QTGAL: variants seen among roughly 807,000 people sequenced by gnomAD.
The protein encoded by QTGAL is BGnT-like protein 1.
chr17:83,049,300 G>A, the QTGAL span: 1 of 153,098 alleles, frequency 6.5e-6, no homozygotes, highest in African/African-American at 2.4e-5. Flanking sequence ...GCATCAAATT[G>A]TTCCCAACTC....
At chr17:83,011,094 A>G in the QTGAL span, among the ~76,000 whole-genome samples, 1 of 152,200 alleles carries the variant, frequency 6.6e-6, no homozygotes, top group South Asian at 2.1e-4. Flanking sequence ...GAGGTGACCA[A>G]GAATGCAGGC....
At chr17:83,013,016 C>T in the QTGAL span, among the ~76,000 whole-genome samples, 184 of 152,272 alleles carry the variant, frequency 1.2e-3, no homozygotes, top group Middle Eastern at 6.8e-3. Flanking sequence ...CCTGTGGCCC[C>T]GATTGCCATG....
the QTGAL span, among the ~76,000 whole-genome samples, chr17:82,997,095 C>T: frequency 1.3e-5 from 2 of 152,146 alleles, no homozygotes; most frequent in African/African-American, 2.4e-5. Flanking sequence ...AAACTATCAA[C>T]AAAGTGAAGA....
the QTGAL span, among the ~76,000 whole-genome samples, chr17:82,992,296 C>G: frequency 6.6e-6 from 1 of 152,102 alleles, no homozygotes; most frequent in African/African-American, 2.4e-5. Flanking sequence ...AAGGACCCTA[C>G]AAGCAGCAAG....
At chr17:82,963,387 G>T in the QTGAL span, among the ~76,000 whole-genome samples, 1 of 152,180 alleles carries the variant, frequency 6.6e-6, no homozygotes, top group African/African-American at 2.4e-5. Flanking sequence ...GACAGAAGGG[G>T]GAGAGCTCGA....
At chr17:82,955,125 G>A in the QTGAL span, among the ~76,000 whole-genome samples, 1 of 152,156 alleles carries the variant, frequency 6.6e-6, no homozygotes, top group African/African-American at 2.4e-5. Context: ...TTGACAAATG[G>A]GATCTAATTA....
At chr17:82,959,257 C>T in the QTGAL span, among the ~76,000 whole-genome samples, 14 of 151,852 alleles carry the variant, frequency 9.2e-5, no homozygotes, top group African/African-American at 2.4e-4. Context: ...CATGTGTACA[C>T]GTGTGTGCAG....
the QTGAL span, chr17:82,960,554 C>A: frequency 6.5e-6 from 1 of 154,626 alleles, no homozygotes; most frequent in African/African-American, 2.4e-5. Context: ...TCCAACGCAG[C>A]CACGCGGCAC....
At chr17:83,000,338 A>G in the QTGAL span, among the ~76,000 whole-genome samples, 1 of 152,176 alleles carries the variant, frequency 6.6e-6, no homozygotes, top group South Asian at 2.1e-4. Flanking sequence ...AGCCTCACCC[A>G]GCGTTTTAAG....
At chr17:82,984,741 T>C in the QTGAL span, among the ~76,000 whole-genome samples, 1 of 152,142 alleles carries the variant, frequency 6.6e-6, no homozygotes, top group Non-Finnish European at 1.5e-5. Flanking sequence ...TGTTCCTTTA[T>C]GGGGGCCTGA....
the QTGAL span, among the ~76,000 whole-genome samples, chr17:82,970,573 CGGCGTGGCCGCG>C: frequency 8.2e-5 from 11 of 134,890 alleles, no homozygotes; most frequent in Admixed American, 2.4e-4. Context: ...CCTCCGCACC[CGGCGTGGCCGCG>C]ACCTCCGCAC....
At chr17:83,035,928 C>A in the QTGAL span, among the ~76,000 whole-genome samples, 1 of 104,656 alleles carries the variant, frequency 9.6e-6, no homozygotes, top group Non-Finnish European at 2.2e-5. Flanking sequence ...GCGGTTTGCA[C>A]GTGTGTGATG....
chr17:83,006,997 C>T, the QTGAL span: 21 of 392,428 alleles, frequency 5.4e-5, no homozygotes, highest in East Asian at 1.6e-4. The surrounding 1 kb of genome is among the most constrained non-coding windows in gnomAD (Gnocchi z 5.8). Context: ...CTGGGTGTCT[C>T]GGTTTTCATT....
the QTGAL span, chr17:83,035,180 T>C: frequency 8.0e-7 from 1 of 1,246,574 alleles, no homozygotes; most frequent in Admixed American, 2.3e-5. Flanking sequence ...GTATATGATA[T>C]TCTTTTTTTT....
At chr17:82,972,782 GCT>G in the QTGAL span, among the ~76,000 whole-genome samples, 1 of 145,136 alleles carries the variant, frequency 6.9e-6, no homozygotes, top group African/African-American at 2.7e-5. Flanking sequence ...CACCACAGGG[GCT>G]AGAAGGACCT....
chr17:83,033,115 G>T, the QTGAL span, among the ~76,000 whole-genome samples: 18,750 of 152,246 alleles, frequency 0.12, 1,160 homozygotes, highest in Non-Finnish European at 0.13. Context: ...ACAGATAAAT[G>T]TTCCTGAAGT....
chr17:83,013,115 G>A, the QTGAL span, among the ~76,000 whole-genome samples: 3 of 152,124 alleles, frequency 2.0e-5, no homozygotes, highest in African/African-American at 7.2e-5. Flanking sequence ...GCAAACACGT[G>A]ACCCTTTTAA....
chr17:83,035,669 G>T, the QTGAL span, among the ~76,000 whole-genome samples: 1 of 152,132 alleles, frequency 6.6e-6, no homozygotes, highest in African/African-American at 2.4e-5. Context: ...AAAAAAAAAT[G>T]AGATGGACCT....
the QTGAL span, among the ~76,000 whole-genome samples, chr17:83,027,792 T>C: frequency 6.6e-6 from 1 of 150,648 alleles, no homozygotes; most frequent in Non-Finnish European, 1.5e-5. Flanking sequence ...ATCTAGAATA[T>C]GTCACAAAAC....
Sources: allele counts gnomAD v4.1 joint callset (sites outside exome capture counted in the v4.1 genomes callset), GRCh38; gene constraint gnomAD v4.1.1; non-coding constraint Gnocchi (gnomAD v3.1); transcripts MANE v1.5; gene names NCBI Gene and HGNC (gene_info 2026-07-23, HGNC 2026-07-21).